The following FAM124B variants were observed in gnomAD, a reference collection of about 807,000 sequenced individuals.
The protein encoded by FAM124B is family with sequence similarity 124 member B, also known as protein FAM124B.
FAM124B carries 18 observed loss-of-function variants against 19.7 expected under a neutral mutation model. The ratio of observed to expected loss-of-function variants is 0.92; its 90% confidence interval spans 0.63 to 1.36. The LOEUF is 1.36. Ranked by LOEUF, FAM124B falls within the 40% of genes most tolerant of loss-of-function variation. FAM124B has a pLI of 0.00. For missense variants in FAM124B, 540 were observed against 553.3 expected (o/e 0.98, Z 0.24); for synonymous variants, 223 against 225.2 (o/e 0.99, Z 0.09).
intron 1 of FAM124B, among the ~76,000 whole-genome samples, chr2:224,382,956 C>T (rs879632675): frequency 2.0e-5 from 3 of 152,088 alleles, no homozygotes; most frequent in African/African-American, 4.8e-5. Flanking sequence ...TTGCACTGAA[C>T]CACAGCTGAG....
intron 1 of FAM124B, among the ~76,000 whole-genome samples, chr2:224,384,525 A>G (rs1021275043): frequency 2.0e-5 from 3 of 152,200 alleles, no homozygotes; most frequent in Non-Finnish European, 4.4e-5. Flanking sequence ...TCGGTCTGTG[A>G]AATGGGTGCC....
intron 1 of FAM124B, among the ~76,000 whole-genome samples, chr2:224,392,945 G>T (rs545854724): frequency 5.8e-4 from 89 of 152,242 alleles, no homozygotes; most frequent in African/African-American, 2.0e-3. Flanking sequence ...TAATAATTCT[G>T]TTCATCAGTC....
chr2:224,388,614 G>C (rs1689833994), intron 1 of FAM124B, among the ~76,000 whole-genome samples: 1 of 152,218 alleles, frequency 6.6e-6, no homozygotes, highest in Non-Finnish European at 1.5e-5. Context: ...TGTTTGGGAT[G>C]ACAAGAAAGT....
intron 1 of FAM124B, among the ~76,000 whole-genome samples, chr2:224,390,298 G>A (rs1197872461): frequency 1.1e-4 from 17 of 152,132 alleles, no homozygotes; most frequent in Admixed American, 3.3e-4. Context: ...AAGCACTGCT[G>A]GCCCTCCAGA....
chr2:224,400,596 A>G, intron 1 of FAM124B: 1 of 632,346 alleles, frequency 1.6e-6, no homozygotes, highest in Non-Finnish European at 2.8e-6. Flanking sequence ...AGAGCTTGTG[A>G]CATTCCTGAG....
In FAM124B at chr2:224,401,871, A is replaced by T. The variant is rs1003536186; in HGVS notation, c.-103T>A. 5.1e-6 allele frequency: 7 copies of T among 1,374,662 alleles called. No homozygotes were observed. The highest frequency in any genetic ancestry group is 5.9e-6 in the Non-Finnish European group (6 of 1,013,070). The allele number at this position is 1,374,662 out of a possible 1,614,324, so 85.2% of individuals were successfully genotyped here. A position where few individuals can be genotyped will look rare whatever the true frequency, so the allele number is the denominator to read the frequency against. On this transcript the variant is annotated 5_prime_UTR_variant, in exon 1 of 2. Coordinates refer to ENST00000409685, the MANE Select transcript of FAM124B (RefSeq NM_001122779.2). ...CGGCCCAGCCTTCAGCCCGCCTGAA[A>T]ACCTTCAGCTGCAGCGGCTACTTCT... is the stretch of plus-strand genomic sequence containing the variant.
At chr2:224,390,136 C>T (rs1293598504) in intron 1 of FAM124B, among the ~76,000 whole-genome samples, 1 of 151,444 alleles carries the variant, frequency 6.6e-6, no homozygotes, top group Non-Finnish European at 1.5e-5. Context: ...CACACACACA[C>T]ACACACACAC....
intron 1 of FAM124B, among the ~76,000 whole-genome samples, 167 bp downstream of exon 1, chr2:224,400,870 A>G (rs1690056617): frequency 6.6e-6 from 1 of 152,194 alleles, no homozygotes; most frequent in African/African-American, 2.4e-5. Context: ...CTAGGCCTGG[A>G]TGTTCCCAGA....
At chr2:224,390,396 A>G (rs1433836291) in intron 1 of FAM124B, among the ~76,000 whole-genome samples, 1 of 152,114 alleles carries the variant, frequency 6.6e-6, no homozygotes, top group Admixed American at 6.5e-5. Context: ...AAGGCGGCAA[A>G]AACAGACAGC....
Position 224,401,265 on chromosome 2 carries a change from C to A in FAM124B, c.504G>T (p.Lys168Asn). 6.2e-7 allele frequency: 1 copy of A among 1,614,032 alleles called. No homozygotes were observed. Residue 168 changes from lysine to asparagine, a missense_variant, in exon 1 of 2, where the codon AAG becomes AAT. Coordinates refer to ENST00000409685, the MANE Select transcript of FAM124B (RefSeq NM_001122779.2). ...MILQREATLQ[K>N]SNFCFFVLYA... ...AGAGCACGAAGAAACAAAAATTGCTCTTTTGCAAGGTCGCTTCTCTCTGCA... is the reference window on the plus strand; with the variant it reads ...AGAGCACGAAGAAACAAAAATTGCTATTTTGCAAGGTCGCTTCTCTCTGCA...
chr2:224,380,351 A>G, intron 1 of FAM124B, 143 bp from the exon 2 acceptor site: 1 of 705,882 alleles, frequency 1.4e-6, no homozygotes, highest in Middle Eastern at 3.8e-4. Context: ...TAGAAGTGAT[A>G]AGTACAATAT....
At chr2:224,383,726 TC>T (rs1400089056) in intron 1 of FAM124B, among the ~76,000 whole-genome samples, 1 of 152,190 alleles carries the variant, frequency 6.6e-6, no homozygotes, top group Non-Finnish European at 1.5e-5. Context: ...AGCTGGGGTT[TC>T]CCTTCCCCTG....
At chr2:224,393,454 G>A (rs1275592942) in intron 1 of FAM124B, among the ~76,000 whole-genome samples, 10 of 152,198 alleles carry the variant, frequency 6.6e-5, no homozygotes, top group African/African-American at 2.4e-4. Context: ...AGCTTCCAGG[G>A]AGGTTTTATC....
At position 224,379,833 on chromosome 2, in the gene FAM124B, T is replaced by C; in HGVS notation, c.1108A>G (p.Ile370Val). Residue 370 changes from isoleucine (I) to valine (V), a missense_variant, in exon 2 of 2, where the codon ATA becomes GTA. Transcript: ENST00000409685. ...ETNVDTGLTI[I>V]NSEPRQTYFG... The stretch of plus-strand genomic sequence containing the variant: ...TAAGTCTGCCTGGGTTCAGAATTTA[T>C]GATGGTCAAGCCGGTGTCAACATTC... 6.4e-7 allele frequency: 1 copy of C among 1,551,960 alleles called. No homozygotes were observed. Among genetic ancestry groups the C allele is most frequent in the Non-Finnish European group, 8.7e-7 (1 of 1,147,028 alleles).
At chr2:224,393,717 T>C (rs1408272968) in intron 1 of FAM124B, among the ~76,000 whole-genome samples, 6 of 152,200 alleles carry the variant, frequency 3.9e-5, no homozygotes, top group Non-Finnish European at 8.8e-5. Context: ...GGCCATAGCT[T>C]GCCTGGGAGC....
intron 1 of FAM124B, among the ~76,000 whole-genome samples, chr2:224,396,077 CA>C (rs1207745142): frequency 6.6e-6 from 1 of 152,176 alleles, no homozygotes; most frequent in Admixed American, 6.5e-5. Flanking sequence ...TACCATGTGC[CA>C]GACACTGACC....
intron 1 of FAM124B, among the ~76,000 whole-genome samples, chr2:224,399,335 T>C (rs1047214810): frequency 1.3e-5 from 2 of 152,204 alleles, no homozygotes; most frequent in African/African-American, 4.8e-5. Context: ...GGTTTTATAA[T>C]AGGCAACTAA....
chr2:224,394,639 G>A (rs10170836), intron 1 of FAM124B, among the ~76,000 whole-genome samples: 73,404 of 151,888 alleles, frequency 0.48, 19,969 homozygotes, highest in African/African-American at 0.75. Flanking sequence ...TCTAAACACC[G>A]TAATAAATGG....
chr2:224,401,851 C>CAGCCTTCAGCCCGCCTGAA lies in FAM124B; in HGVS notation c.-102_-84dup. ...TTCTGAAATGAATGAAGAAGCGGCC[C>CAGCCTTCAGCCCGCCTGAA]AGCCTTCAGCCCGCCTGAAAACCTT... On this transcript the variant is annotated 5_prime_UTR_variant, in exon 1 of 2. Transcript: ENST00000409685. The CAGCCTTCAGCCCGCCTGAA allele has an allele frequency of 6.8e-7, 1 of 1,480,632 alleles. No homozygotes were observed. Among genetic ancestry groups the CAGCCTTCAGCCCGCCTGAA allele is most frequent in the Non-Finnish European group, 9.1e-7 (1 of 1,101,662 alleles). 91.7% of individuals were successfully genotyped at this position (1,480,632 alleles called of 1,614,324 possible). A position where few individuals can be genotyped will look rare whatever the true frequency, so the allele number is the denominator to read the frequency against.
Sources: allele counts gnomAD v4.1 joint callset (sites outside exome capture counted in the v4.1 genomes callset), GRCh38; gene constraint gnomAD v4.1.1; transcripts MANE v1.5; gene names NCBI Gene and HGNC (gene_info 2026-07-23, HGNC 2026-07-21).